Variants in INTU observed in about 807,000 individuals in gnomAD.
INTU encodes the protein inturned planar cell polarity protein, also known as protein inturned.
In INTU, 68 loss-of-function variants were observed where a neutral mutation model predicts 100.5. The observed-to-expected ratio is 0.68, with a 90% CI of 0.56 to 0.83. The LOEUF is 0.83. INTU is among the 40% of genes least tolerant of loss of function. INTU has a pLI of 0.00. For missense variants in INTU, 1,071 were observed against 1,114.7 expected, an observed-to-expected ratio of 0.96 and a Z score of 0.56; for synonymous variants, 357 against 395.7, an observed-to-expected ratio of 0.90 and a Z score of 1.16.
rs1260183938 is a variant in INTU at position 127,640,582 on chromosome 4, TATATATATAC to T, written c.147-2933_147-2924del. ...ATATATATATATATATATATATATA[TATATATATAC>T]ATATACATAAACACACATGTGTATA... On this transcript the variant is annotated intron_variant, in intron 1 of 15. Transcript: ENST00000335251. Among the ~76,000 whole-genome samples the T allele has an allele frequency of 3.4e-3, 140 of 40,602 alleles. 3 individuals are homozygous for T. The highest frequency in any genetic ancestry group is 9.2e-3 in the African/African-American group (114 of 12,360). The allele number at this position is 40,602 out of a possible 152,430, so 26.6% of individuals were successfully genotyped here.
At chr4:127,696,114 A>T (rs983622632) in intron 8 of INTU, among the ~76,000 whole-genome samples, 2 of 151,850 alleles carry the variant, frequency 1.3e-5, no homozygotes, top group Admixed American at 6.6e-5. Flanking sequence ...GAGGTTTTTG[A>T]ATGTATGTTC....
intron 2 of INTU, among the ~76,000 whole-genome samples, chr4:127,647,147 C>T (rs2126181941): frequency 6.6e-6 from 1 of 152,284 alleles, no homozygotes; most frequent in South Asian, 2.1e-4. Flanking sequence ...TTTTTTGGTG[C>T]ATCACAAAGA....
At chr4:127,634,967 C>T (rs1156735210) in intron 1 of INTU, among the ~76,000 whole-genome samples, 1 of 152,196 alleles carries the variant, frequency 6.6e-6, no homozygotes, top group African/African-American at 2.4e-5. Flanking sequence ...CTTAGTCTTT[C>T]TCATTAAAGC....
chr4:127,688,867 C>G (rs1204039800), intron 8 of INTU, among the ~76,000 whole-genome samples: 2 of 151,070 alleles, frequency 1.3e-5, no homozygotes, highest in Non-Finnish European at 2.9e-5. Flanking sequence ...GCTTTGCCTT[C>G]TGGTATTTTT....
At chr4:127,712,972 G>C (rs1230606982) in intron 14 of INTU, among the ~76,000 whole-genome samples, 3 of 152,210 alleles carry the variant, frequency 2.0e-5, no homozygotes, top group Non-Finnish European at 2.9e-5. Context: ...CATCCCCTAG[G>C]GGCTGGGAGA....
intron 8 of INTU, among the ~76,000 whole-genome samples, chr4:127,696,102 T>A (rs1434239586): frequency 6.6e-6 from 1 of 152,172 alleles, no homozygotes; most frequent in Non-Finnish European, 1.5e-5. Context: ...AATATTTTAT[T>A]GGAGGTTTTT....
At chr4:127,644,839 C>A (rs1378878513) in intron 2 of INTU, among the ~76,000 whole-genome samples, 1 of 152,150 alleles carries the variant, frequency 6.6e-6, no homozygotes, top group African/African-American at 2.4e-5. Flanking sequence ...AAATGAAGAA[C>A]ATTTACAGAT....
At position 127,687,776 on chromosome 4, in the gene INTU, G is replaced by A; in HGVS notation, c.1358G>A (p.Ser453Asn). 1 of 1,613,636 alleles carries A rather than the reference G, an allele frequency of 6.2e-7. No individual in the cohort carries two copies. The stretch of plus-strand genomic sequence containing the variant: ...CCTGCGAAACTGCATTCCAGCGCCA[G>A]TCCCAGTGCTCAGCAGTACGATGCT... ...LQPAKLHSSA[S>N]PSAQQYDASS... The change falls in exon 8 of 16, where the codon AGT becomes AAT. Residue 453 changes from serine to asparagine, a missense_variant. Physicochemically the swap from Ser to Asn is conservative, Grantham distance 46. Coordinates refer to ENST00000335251, the MANE Select transcript of INTU (RefSeq NM_015693.4).
intron 6 of INTU, among the ~76,000 whole-genome samples, chr4:127,677,726 C>A (rs1015529296): frequency 5.9e-5 from 9 of 152,332 alleles, no homozygotes; most frequent in African/African-American, 1.7e-4. Context: ...AGCTCCTCAC[C>A]AGCAACGGAA....
At chr4:127,689,735 G>C (rs1477727691) in intron 8 of INTU, among the ~76,000 whole-genome samples, 1 of 151,846 alleles carries the variant, frequency 6.6e-6, no homozygotes, top group East Asian at 1.9e-4. Context: ...GAGAAAGAAA[G>C]GGGAAAGGAA....
chr4:127,663,419 G>T lies in INTU; in HGVS notation c.807G>T (p.Arg269Ser). 1 of 1,613,108 alleles carries T rather than the reference G, an allele frequency of 6.2e-7. No homozygotes were observed. Among genetic ancestry groups the T allele is most frequent in the Non-Finnish European group, 8.5e-7 (1 of 1,179,380 alleles). ...LTFENAYDVK[R>S]ETSHPRQKKT... ...TTGAAAATGCATATGATGTGAAAAGGGAGACGTCCCATCCAAGACAGAAAA... is the reference window on the plus strand; with the variant it reads ...TTGAAAATGCATATGATGTGAAAAGTGAGACGTCCCATCCAAGACAGAAAA... Residue 269 changes from arginine to serine, a missense_variant, in exon 4 of 16, where the codon AGG (arginine) becomes AGT (serine). Transcript: ENST00000335251.
Position 127,705,706 on chromosome 4 carries a change from T to C in INTU, c.1682T>C (p.Ile561Thr), listed in dbSNP as rs753428033. 2.9e-5 allele frequency: 47 copies of C among 1,613,936 alleles called. No homozygotes were observed. Among genetic ancestry groups the C allele is most frequent in the Non-Finnish European group, 4.0e-5 (47 of 1,179,946 alleles). The change falls in exon 11 of 16, where the codon ATA (isoleucine) becomes ACA (threonine). Residue 561 changes from isoleucine to threonine, a missense_variant. Physicochemically the swap from Ile to Thr is moderately conservative, Grantham distance 89 (BLOSUM62 -1). Transcript: ENST00000335251. ...AAACAAAGAATTGGTCAGTTGATCA[T>C]ATGGAGAGAAGTGTTTCCTCAGCAT... ...AAKQRIGQLI[I>T]WREVFPQHHL...
intron 2 of INTU, among the ~76,000 whole-genome samples, chr4:127,648,549 GA>G (rs1302858327): frequency 1.3e-5 from 2 of 152,176 alleles, no homozygotes; most frequent in East Asian, 3.9e-4. Flanking sequence ...AGGATTTGGA[GA>G]AAAAAGTCAT....
intron 14 of INTU, among the ~76,000 whole-genome samples, chr4:127,712,305 G>A (rs1358629156): frequency 2.0e-5 from 3 of 152,010 alleles, no homozygotes; most frequent in Non-Finnish European, 4.4e-5. Flanking sequence ...TTGTTATTCT[G>A]TAAAAATACT....
At chr4:127,684,356 T>G in intron 6 of INTU, 53 bp from the exon 7 acceptor site, 1 of 969,494 alleles carries the variant, frequency 1.0e-6, no homozygotes, top group Non-Finnish European at 1.6e-6. Context: ...TTCTTTTAGA[T>G]AAATGTCATT....
chr4:127,654,015 G>A (rs1728048970), intron 2 of INTU, among the ~76,000 whole-genome samples: 1 of 151,056 alleles, frequency 6.6e-6, no homozygotes, highest in Admixed American at 6.6e-5. Context: ...TTGGTTTAAA[G>A]TCTGTTTTAT....
intron 13 of INTU, among the ~76,000 whole-genome samples, chr4:127,710,313 C>CTTTTA (rs1185165827): frequency 6.6e-6 from 1 of 151,850 alleles, no homozygotes; most frequent in African/African-American, 2.4e-5. Context: ...TTATCCTAAC[C>CTTTTA]TTTTATGCAC....
At chr4:127,712,030 T>A (rs1208644863) in intron 14 of INTU, among the ~76,000 whole-genome samples, 1 of 152,198 alleles carries the variant, frequency 6.6e-6, no homozygotes, top group Non-Finnish European at 1.5e-5. Context: ...TTACAGAGGT[T>A]TACTTGTGAC....
chr4:127,664,276 A>G (rs1728600566), intron 4 of INTU, among the ~76,000 whole-genome samples: 1 of 152,110 alleles, frequency 6.6e-6, no homozygotes, highest in South Asian at 2.1e-4. Flanking sequence ...AAAATGTTTA[A>G]GTTCACATAG....
Sources: allele counts gnomAD v4.1 joint callset (sites outside exome capture counted in the v4.1 genomes callset), GRCh38; gene constraint gnomAD v4.1.1; transcripts MANE v1.5; gene names NCBI Gene and HGNC (gene_info 2026-07-23, HGNC 2026-07-21).